The following CAP2 variants were observed in gnomAD, a reference collection of about 807,000 sequenced individuals.
The protein encoded by CAP2 is cyclase associated actin cytoskeleton regulatory protein 2, also known as adenylyl cyclase-associated protein 2.
Under a neutral mutation model 57.7 loss-of-function variants are expected in CAP2, and 24 were observed. The observed-to-expected ratio is 0.42, with a 90% CI of 0.30 to 0.58. The LOEUF is 0.58. CAP2 is among the 20% of genes least tolerant of loss of function. CAP2 has a pLI of 0.22. For synonymous variants in CAP2, 194 were observed against 207.2 expected (o/e 0.94, Z 0.55); for missense variants, 501 against 590.3 (o/e 0.85, Z 1.57).
chr6:17,543,278 C>T, intron 11 of CAP2, 135 bp downstream of exon 11: 1 of 721,264 alleles, frequency 1.4e-6, no homozygotes, highest in Non-Finnish European at 2.4e-6. Flanking sequence ...TTTCCAACCA[C>T]ACTGTAAGCT....
intron 4 of CAP2, among the ~76,000 whole-genome samples, chr6:17,481,344 T>G (rs774065712): frequency 1.3e-5 from 2 of 152,194 alleles, no homozygotes; most frequent in Non-Finnish European, 2.9e-5. Context: ...TTAAGTAGGC[T>G]GATGTTAACA....
Position 17,503,275 on chromosome 6 carries a change from C to T in CAP2, c.301-3894C>T, listed in dbSNP as rs149564466. The stretch of plus-strand genomic sequence containing the variant: ...GCAGGGTTGGTCTCTCCCCACGCCT[C>T]CTCTGTGTGTGTCTCTGTCTTCATC... On this transcript the variant is annotated intron_variant, in intron 4 of 12. Coordinates refer to ENST00000229922, the MANE Select transcript of CAP2 (RefSeq NM_006366.3). 3.2e-3 allele frequency among the ~76,000 whole-genome samples: 487 copies of T among 152,214 alleles called. 2 individuals are homozygous for T. The highest frequency in any genetic ancestry group is 5.5e-3 in the Non-Finnish European group (377 of 68,006).
Position 17,524,672 on chromosome 6 carries a change from G to C in CAP2, c.636+10718G>C, listed in dbSNP as rs575902135. On this transcript the variant is annotated intron_variant, in intron 7 of 12. Transcript: ENST00000229922. Reference sequence around the variant, plus strand: ...TGATAACTTCCAGGTCATTGCCATGGAAAGGGGTAGTTAGTAACTTCCAGG... The same window carrying C: ...TGATAACTTCCAGGTCATTGCCATGCAAAGGGGTAGTTAGTAACTTCCAGG... Among the ~76,000 whole-genome samples, 3 of 152,286 alleles carry C rather than the reference G, an allele frequency of 2.0e-5. No individual in the cohort carries two copies. In the East Asian group the frequency reaches 5.8e-4, roughly 29 times the overall value.
intron 10 of CAP2, 22 bp downstream of exon 10, chr6:17,542,982 A>C (rs371070473): frequency 3.1e-6 from 5 of 1,613,054 alleles, no homozygotes; most frequent in Non-Finnish European, 4.2e-6. Context: ...TTATGGCTCT[A>C]TGGTTATTAT....
At chr6:17,556,007 T>G (rs1763302297) in intron 12 of CAP2, among the ~76,000 whole-genome samples, 1 of 152,244 alleles carries the variant, frequency 6.6e-6, no homozygotes, top group South Asian at 2.1e-4. Flanking sequence ...TTGCTTACTC[T>G]CAGGCCTCTG....
Position 17,500,340 on chromosome 6 carries a change from A to AATATATATATATATATAT in CAP2, c.301-6802_301-6785dup, listed in dbSNP as rs4052821. 9.2e-3 allele frequency among the ~76,000 whole-genome samples: 304 copies of AATATATATATATATATAT among 33,018 alleles called. 37 individuals are homozygous for AATATATATATATATATAT. Among genetic ancestry groups the AATATATATATATATATAT allele is most frequent in the Non-Finnish European group, 0.012 (180 of 14,768 alleles). The allele number at this position is 33,018 out of a possible 152,430, so 21.7% of individuals were successfully genotyped here. A position where few individuals can be genotyped will look rare whatever the true frequency, so the allele number is the denominator to read the frequency against. Reference sequence around the variant, plus strand: ...GTCCAAATATATATGTGTGTGTCCAAATATATATATATATATATATATATA... The same window carrying AATATATATATATATATAT: ...GTCCAAATATATATGTGTGTGTCCAAATATATATATATATATATATATATATATATATATATATATATA... On this transcript the variant is annotated intron_variant, in intron 4 of 12. Coordinates refer to ENST00000229922, the MANE Select transcript of CAP2 (RefSeq NM_006366.3).
intron 1 of CAP2, among the ~76,000 whole-genome samples, chr6:17,406,583 A>G (rs9465033): frequency 0.41 from 62,103 of 151,114 alleles, 15,992 homozygotes; most frequent in African/African-American, 0.74. Context: ...TAGTAGAGAC[A>G]AGGTTTCACC....
chr6:17,460,383 A>G (rs1052722196), intron 3 of CAP2, among the ~76,000 whole-genome samples: 1 of 152,264 alleles, frequency 6.6e-6, no homozygotes, highest in Non-Finnish European at 1.5e-5. Flanking sequence ...GAGAATCATT[A>G]GGTTTGCATA....
At chr6:17,488,586 C>T (rs1160436901) in intron 4 of CAP2, among the ~76,000 whole-genome samples, 3 of 152,142 alleles carry the variant, frequency 2.0e-5, no homozygotes, top group African/African-American at 7.2e-5. Flanking sequence ...TATCACAAGC[C>T]CACATTCAGC....
intron 1 of CAP2, among the ~76,000 whole-genome samples, chr6:17,416,141 T>A (rs1759268495): frequency 2.9e-5 from 3 of 102,272 alleles, no homozygotes. Context: ...TAACCGCACA[T>A]ACACGTAGAC....
At chr6:17,515,368 A>G (rs1581586897) in intron 7 of CAP2, among the ~76,000 whole-genome samples, 1 of 152,186 alleles carries the variant, frequency 6.6e-6, no homozygotes, top group Admixed American at 6.6e-5. Flanking sequence ...CAGAATGCCA[A>G]TACCGTGTGT....
chr6:17,492,691 C>T (rs1317533268), intron 4 of CAP2, among the ~76,000 whole-genome samples: 1 of 152,170 alleles, frequency 6.6e-6, no homozygotes, highest in Non-Finnish European at 1.5e-5. Flanking sequence ...TTCAGTCAAA[C>T]GTTGTAGTCA....
intron 4 of CAP2, among the ~76,000 whole-genome samples, chr6:17,491,056 C>T (rs560917878): frequency 1.8e-3 from 281 of 152,230 alleles, no homozygotes; most frequent in African/African-American, 6.1e-3. Flanking sequence ...TGCCTTGAGC[C>T]GGTAGAAACT....
At chr6:17,545,550 A>AT (rs894119416) in intron 11 of CAP2, among the ~76,000 whole-genome samples, 6 of 151,922 alleles carry the variant, frequency 3.9e-5, no homozygotes, top group South Asian at 2.1e-4. Context: ...CTGTGTAACC[A>AT]TTTTTTTTGT....
At chr6:17,429,233 C>T (rs1759666340) in intron 3 of CAP2, among the ~76,000 whole-genome samples, 1 of 152,204 alleles carries the variant, frequency 6.6e-6, no homozygotes. Flanking sequence ...GGAATATTAT[C>T]TGCAATACAC....
intron 4 of CAP2, among the ~76,000 whole-genome samples, chr6:17,472,034 C>G (rs1268981499): frequency 1.3e-5 from 2 of 152,022 alleles, no homozygotes; most frequent in Non-Finnish European, 2.9e-5. Flanking sequence ...AGTTTCTGCT[C>G]TGTTAATAGT....
At chr6:17,444,005 ATTT>A (rs1341870872) in intron 3 of CAP2, among the ~76,000 whole-genome samples, 1 of 152,212 alleles carries the variant, frequency 6.6e-6, no homozygotes, top group African/African-American at 2.4e-5. Flanking sequence ...TTAAAAAAAT[ATTT>A]TAAATAGTGA....
rs1356080995 is a variant in CAP2 at position 17,472,064 on chromosome 6, G to A, written c.300+8991G>A. 1.2e-4 allele frequency among the ~76,000 whole-genome samples: 3 copies of A among 24,458 alleles called. 1 individual carries two copies. The South Asian group carries it at 3.4e-3, about 28-fold the overall frequency. The allele number at this position is 24,458 out of a possible 152,430, so 16.0% of individuals were successfully genotyped here. A position where few individuals can be genotyped will look rare whatever the true frequency, so the allele number is the denominator to read the frequency against. ...AATAGTGCTGAATGGGCCGGGCGCG[G>A]TGGCTCACGCCTGTAATCCCAGCAC... On this transcript the variant is annotated intron_variant, in intron 4 of 12. Transcript: ENST00000229922.
chr6:17,509,737 A>G (rs1349176187), intron 6 of CAP2, among the ~76,000 whole-genome samples: 1 of 151,724 alleles, frequency 6.6e-6, no homozygotes, highest in Non-Finnish European at 1.5e-5. Flanking sequence ...AGAACTGAAA[A>G]CATATGTTCA....
Sources: gnomAD v4.1 joint callset for allele counts (sites outside exome capture counted in the v4.1 genomes callset) on GRCh38, gnomAD v4.1.1 for gene constraint, MANE v1.5 for transcripts, NCBI Gene and HGNC (gene_info 2026-07-23, HGNC 2026-07-21) for gene names.